Variants in PPP3CA observed in about 807,000 individuals in gnomAD.
PPP3CA encodes the protein CAM-PRP catalytic subunit.
Under a neutral mutation model 66.5 loss-of-function variants are expected in PPP3CA, and 14 were observed. The observed-to-expected ratio is 0.21, with a 90% CI of 0.14 to 0.33. The LOEUF (loss-of-function observed/expected upper bound fraction) is 0.33. PPP3CA is among the 10% of genes least tolerant of loss of function. The pLI, the probability that PPP3CA is intolerant of heterozygous loss-of-function variation, is 1.00. For missense variants in PPP3CA, 317 were observed against 639.5 expected (o/e 0.50, Z 5.44); for synonymous variants, 232 against 226.2 (o/e 1.03, Z -0.23).
chr4:101,243,194 C>T (rs1726367579), intron 1 of PPP3CA, among the ~76,000 whole-genome samples: 1 of 152,208 alleles, frequency 6.6e-6, no homozygotes, highest in Non-Finnish European at 1.5e-5. Flanking sequence ...AACTGCCCAA[C>T]TCCCACTGTC....
intron 1 of PPP3CA, among the ~76,000 whole-genome samples, chr4:101,313,924 G>A (rs1332621825): frequency 6.6e-6 from 1 of 152,154 alleles, no homozygotes; most frequent in Non-Finnish European, 1.5e-5. Flanking sequence ...ATAAGAAAAT[G>A]GGGGGAACTG....
intron 1 of PPP3CA, among the ~76,000 whole-genome samples, chr4:101,334,776 GCA>G (rs1560723728): frequency 3.3e-5 from 5 of 151,976 alleles, no homozygotes. Flanking sequence ...GCTAGCAAAG[GCA>G]CAGTCTCCCA....
intron 2 of PPP3CA, among the ~76,000 whole-genome samples, chr4:101,194,675 T>C (rs1724728481): frequency 6.6e-6 from 1 of 152,086 alleles, no homozygotes; most frequent in Admixed American, 6.5e-5. Flanking sequence ...CAAGAGATTC[T>C]CCTGCCTCAG....
chr4:101,117,275 G>A (rs1233395934), intron 2 of PPP3CA, among the ~76,000 whole-genome samples: 1 of 151,724 alleles, frequency 6.6e-6, no homozygotes, highest in Non-Finnish European at 1.5e-5. Context: ...GTAATCAGAT[G>A]GAAACAAAAC....
intron 2 of PPP3CA, among the ~76,000 whole-genome samples, chr4:101,133,447 C>G (rs1249446850): frequency 6.6e-6 from 1 of 152,090 alleles, no homozygotes; most frequent in East Asian, 1.9e-4. Context: ...TTTTCCTATA[C>G]ACCAATAATA....
At chr4:101,073,007 G>A (rs1728987957) in intron 8 of PPP3CA, among the ~76,000 whole-genome samples, 2 of 150,958 alleles carry the variant, frequency 1.3e-5, no homozygotes, top group Non-Finnish European at 3.0e-5. Flanking sequence ...AATGACAATG[G>A]TAAATGAAAT....
intron 2 of PPP3CA, among the ~76,000 whole-genome samples, chr4:101,135,035 C>T (rs1010284489): frequency 6.6e-6 from 1 of 151,752 alleles, no homozygotes; most frequent in Non-Finnish European, 1.5e-5. Context: ...AATATGGGCA[C>T]AAGGAGGGGA....
chr4:101,174,922 A>T (rs1029298679), intron 2 of PPP3CA, among the ~76,000 whole-genome samples: 2 of 152,130 alleles, frequency 1.3e-5, no homozygotes, highest in African/African-American at 4.8e-5. Flanking sequence ...CAGAGCTGGG[A>T]GGTGACAGAG....
At chr4:101,104,668 AC>A (rs1460992007) in intron 3 of PPP3CA, among the ~76,000 whole-genome samples, 1 of 152,206 alleles carries the variant, frequency 6.6e-6, no homozygotes, top group African/African-American at 2.4e-5. Flanking sequence ...TATTGAAACA[AC>A]AGCATTTACA....
intron 1 of PPP3CA, among the ~76,000 whole-genome samples, chr4:101,327,350 A>T (rs971341862): frequency 1.3e-5 from 2 of 152,136 alleles, no homozygotes; most frequent in Non-Finnish European, 2.9e-5. Context: ...AAATATGTTA[A>T]CCTCTCTCAT....
intron 6 of PPP3CA, among the ~76,000 whole-genome samples, chr4:101,086,730 T>C (rs1361917250): frequency 6.6e-6 from 1 of 152,206 alleles, no homozygotes; most frequent in East Asian, 1.9e-4. Context: ...ATGTATCTAA[T>C]ATATCACTTA....
At chr4:101,084,900 C>A (rs1223954360) in intron 6 of PPP3CA, among the ~76,000 whole-genome samples, 1 of 152,070 alleles carries the variant, frequency 6.6e-6, no homozygotes, top group African/African-American at 2.4e-5. Flanking sequence ...GAGAGGATGG[C>A]CCAGTCTCTG....
At chr4:101,105,123 A>T (rs1472351434) in intron 3 of PPP3CA, among the ~76,000 whole-genome samples, 3 of 152,176 alleles carry the variant, frequency 2.0e-5, no homozygotes, top group Admixed American at 2.0e-4. Flanking sequence ...CTGCTGAGGA[A>T]CAAATTAGTA....
chr4:101,327,108 A>C (rs1729231492), intron 1 of PPP3CA, among the ~76,000 whole-genome samples: 1 of 152,234 alleles, frequency 6.6e-6, no homozygotes, highest in Non-Finnish European at 1.5e-5. Context: ...TGTGGTCACA[A>C]TATACAGCTC....
intron 3 of PPP3CA, among the ~76,000 whole-genome samples, chr4:101,100,719 G>T (rs1730406859): frequency 6.6e-6 from 1 of 152,122 alleles, no homozygotes; most frequent in Admixed American, 6.5e-5. Context: ...TTCCCAAAGT[G>T]AAGCTAAGAA....
chr4:101,298,034 G>A lies in PPP3CA; in HGVS notation c.58+48705C>T, dbSNP rs529419490. Among the ~76,000 whole-genome samples the A allele has an allele frequency of 1.6e-4, 24 of 152,136 alleles. No homozygotes were observed. In the East Asian group the frequency reaches 3.1e-3, roughly 20 times the overall value. ...TTTGTGTCCCCTGGAAAATTCTCAC[G>A]CGGCTTTCTCAGTGGGAATAGGCAA... On this transcript the variant is annotated intron_variant, in intron 1 of 13. Coordinates refer to ENST00000394854, the MANE Select transcript of PPP3CA (RefSeq NM_000944.5).
chr4:101,078,671 C>T (rs961822451), intron 8 of PPP3CA, among the ~76,000 whole-genome samples: 5 of 152,078 alleles, frequency 3.3e-5, no homozygotes, highest in African/African-American at 1.2e-4. Context: ...TCATTTGTTT[C>T]TAACAATCAA....
intron 9 of PPP3CA, among the ~76,000 whole-genome samples, chr4:101,062,684 T>C (rs1434605518): frequency 6.6e-6 from 1 of 151,962 alleles, no homozygotes; most frequent in Non-Finnish European, 1.5e-5. Context: ...AAATGTAAAT[T>C]TGTCTCCTGT....
intron 1 of PPP3CA, among the ~76,000 whole-genome samples, chr4:101,304,161 C>T (rs1390255338): frequency 6.6e-6 from 1 of 152,040 alleles, no homozygotes; most frequent in African/African-American, 2.4e-5. Flanking sequence ...GTACAAAGAC[C>T]TCTTTCATCA....
Sources: gnomAD v4.1 joint callset for allele counts (sites outside exome capture counted in the v4.1 genomes callset) on GRCh38, gnomAD v4.1.1 for gene constraint, MANE v1.5 for transcripts, NCBI Gene and HGNC (gene_info 2026-07-23, HGNC 2026-07-21) for gene names.